CHL1: variants seen among roughly 807,000 people sequenced by gnomAD.
CHL1 encodes the protein cell adhesion molecule L1 like.
Under a neutral mutation model 141.9 loss-of-function variants are expected in CHL1, and 96 were observed. The ratio of observed to expected loss-of-function variants is 0.68; its 90% CI spans 0.57 to 0.80. The LOEUF is 0.80. CHL1 is among the 30% of genes least tolerant of loss of function. The probability of loss-of-function intolerance (pLI) is 0.00; values close to 1 mark genes in which losing one functional copy is unlikely to be tolerated. For synonymous variants in CHL1, 613 were observed against 502.2 expected, an observed-to-expected ratio of 1.22 and a Z score of -2.95; for missense variants, 1,820 against 1,457.2, an observed-to-expected ratio of 1.25 and a Z score of -4.05.
intron 5 of CHL1, among the ~76,000 whole-genome samples, chr3:337,705 T>G (rs1702015735): frequency 6.6e-6 from 1 of 152,220 alleles, no homozygotes; most frequent in African/African-American, 2.4e-5. Flanking sequence ...CTCATCATTT[T>G]TATGGCTTCA....
chr3:225,878 A>C (rs533358176), intron 1 of CHL1, among the ~76,000 whole-genome samples: 2 of 151,758 alleles, frequency 1.3e-5, no homozygotes, highest in African/African-American at 4.8e-5. Context: ...GTGTGGTGGC[A>C]GGCACCTGTA....
chr3:290,185 A>G (rs1419055888), intron 2 of CHL1, among the ~76,000 whole-genome samples: 1 of 152,172 alleles, frequency 6.6e-6, no homozygotes, highest in Non-Finnish European at 1.5e-5. Context: ...CATAAAAATG[A>G]GAAGAACTAA....
intron 20 of CHL1, among the ~76,000 whole-genome samples, chr3:390,009 T>C (rs890853385): frequency 1.1e-4 from 16 of 152,248 alleles, no homozygotes; most frequent in African/African-American, 3.6e-4. Flanking sequence ...CATTCTGTAT[T>C]GCTAATACTG....
At chr3:334,016 G>GTA (rs1445123950) in intron 5 of CHL1, among the ~76,000 whole-genome samples, 2 of 151,998 alleles carry the variant, frequency 1.3e-5, no homozygotes, top group Admixed American at 1.3e-4. Flanking sequence ...GAGTGCAGTG[G>GTA]TACAAACATG....
intron 2 of CHL1, among the ~76,000 whole-genome samples, chr3:284,087 G>A (rs775249119): frequency 2.6e-5 from 4 of 152,108 alleles, no homozygotes; most frequent in East Asian, 1.9e-4. Flanking sequence ...GGATACATTC[G>A]TGAAATGTAA....
intron 2 of CHL1, among the ~76,000 whole-genome samples, chr3:295,028 C>G (rs1428266895): frequency 6.6e-6 from 1 of 151,822 alleles, no homozygotes; most frequent in Non-Finnish European, 1.5e-5. Flanking sequence ...GTTTTCTTGC[C>G]CTCCCTTTCT....
intron 1 of CHL1, among the ~76,000 whole-genome samples, chr3:226,166 A>G (rs150522953): frequency 0.13 from 19,608 of 149,762 alleles, 1,369 homozygotes; most frequent in Non-Finnish European, 0.15. Flanking sequence ...GACTACAGGC[A>G]TGCACCACTA....
intron 9 of CHL1, among the ~76,000 whole-genome samples, chr3:348,483 T>G (rs1702954316): frequency 6.6e-6 from 1 of 152,192 alleles, no homozygotes; most frequent in Non-Finnish European, 1.5e-5. Context: ...TCCACATAAT[T>G]TTTAAATCAA....
At chr3:365,216 G>A (rs1167234324) in intron 14 of CHL1, among the ~76,000 whole-genome samples, 1 of 152,126 alleles carries the variant, frequency 6.6e-6, no homozygotes, top group Non-Finnish European at 1.5e-5. Flanking sequence ...CTTTTAATAG[G>A]GCATTAAAGA....
chr3:401,538 TACTG>T, intron 26 of CHL1, 84 bp from the exon 27 acceptor site: 4 of 747,050 alleles, frequency 5.4e-6, no homozygotes, highest in South Asian at 1.7e-5. Flanking sequence ...ATGCTGTTCT[TACTG>T]ACTATTAACT....
At chr3:272,011 T>G (rs948623690) in intron 2 of CHL1, among the ~76,000 whole-genome samples, 52 of 152,226 alleles carry the variant, frequency 3.4e-4, no homozygotes, top group Admixed American at 2.8e-3. Context: ...TGGTAGACAT[T>G]TTCTGCAATG....
intron 2 of CHL1, chr3:308,915 G>T: frequency 6.3e-6 from 1 of 159,938 alleles, no homozygotes; most frequent in South Asian, 2.0e-4. Flanking sequence ...AATTTGTTCT[G>T]GATCGTTTTT....
intron 1 of CHL1, among the ~76,000 whole-genome samples, chr3:236,424 T>A (rs1255452662): frequency 6.6e-6 from 1 of 152,124 alleles, no homozygotes; most frequent in Admixed American, 6.6e-5. Context: ...AAGGGAAGTG[T>A]TCTTGAGAAT....
chr3:337,226 TGTC>T (rs1701949011), intron 5 of CHL1, among the ~76,000 whole-genome samples: 1 of 148,448 alleles, frequency 6.7e-6, no homozygotes, highest in Non-Finnish European at 1.5e-5. Context: ...GGTCTTGCTC[TGTC>T]GCCCAGGCTG....
Position 363,388 on chromosome 3 carries a change from T to G in CHL1, c.1585+5T>G, listed in dbSNP as rs915157472. 5 of 1,608,232 alleles carry G rather than the reference T, an allele frequency of 3.1e-6. No individual in the cohort carries two copies. In the African/African-American group the frequency reaches 6.7e-5, roughly 22 times the overall value. On this transcript the variant is annotated splice_donor_5th_base_variant and intron_variant, in intron 14 of 27. Transcript: ENST00000256509. ...CAGCCAATTTGGATATTAGAAGTAT[T>G]TTTATTTCACTGTTACTTTGCATGA...
intron 1 of CHL1, among the ~76,000 whole-genome samples, chr3:219,108 C>T (rs1700592716): frequency 6.6e-6 from 1 of 151,694 alleles, no homozygotes; most frequent in Non-Finnish European, 1.5e-5. Flanking sequence ...GAGATCATGC[C>T]ACTGCACTCC....
chr3:353,876 A>G (rs776271774), intron 10 of CHL1, among the ~76,000 whole-genome samples: 8 of 152,202 alleles, frequency 5.3e-5, no homozygotes, highest in Non-Finnish European at 1.2e-4. Flanking sequence ...TAAACCTTTT[A>G]GTTACCCCTG....
chr3:276,594 A>G (rs191747870), intron 2 of CHL1, among the ~76,000 whole-genome samples: 3 of 152,244 alleles, frequency 2.0e-5, no homozygotes, highest in African/African-American at 7.2e-5. Context: ...GGAGTTCAAG[A>G]GTATGGGCTC....
chr3:323,782 T>C (rs1449960865), intron 3 of CHL1, among the ~76,000 whole-genome samples: 2 of 152,092 alleles, frequency 1.3e-5, no homozygotes, highest in Non-Finnish European at 2.9e-5. Context: ...GGAGGATTAC[T>C]TGAGCTTGGG....
Sources: allele counts gnomAD v4.1 joint callset (sites outside exome capture counted in the v4.1 genomes callset), GRCh38; gene constraint gnomAD v4.1.1; transcripts MANE v1.5; gene names NCBI Gene and HGNC (gene_info 2026-07-23, HGNC 2026-07-21).